The following CPED1 variants were observed in gnomAD, a reference collection of about 807,000 sequenced individuals.
CPED1 encodes cadherin like and PC-esterase domain containing 1, also known as cadherin-like and PC-esterase domain-containing protein 1.
Under a neutral mutation model 128.2 loss-of-function variants are expected in CPED1, and 114 were observed. That is an observed-to-expected ratio of 0.89 (90% CI 0.76 to 1.04). The LOEUF is 1.04. Among genes scored for constraint, CPED1 ranks in the 50% least tolerant of loss-of-function variants. The pLI, the probability that CPED1 is intolerant of heterozygous loss-of-function variation, is 0.00. For synonymous variants in CPED1, 462 were observed against 426.7 expected (o/e 1.08, Z -1.02); for missense variants, 1,211 against 1,207.1 (o/e 1.00, Z -0.05).
At chr7:121,172,832 A>T (rs1270813501) in intron 16 of CPED1, among the ~76,000 whole-genome samples, 2 of 152,216 alleles carry the variant, frequency 1.3e-5, no homozygotes, top group Non-Finnish European at 2.9e-5. Context: ...CGATTGCTCA[A>T]TGTAAGGACA....
chr7:121,109,108 T>C (rs760294393), intron 7 of CPED1, among the ~76,000 whole-genome samples: 1 of 152,152 alleles, frequency 6.6e-6, no homozygotes, highest in Non-Finnish European at 1.5e-5. Context: ...CTTTAAATTA[T>C]CTAAATGACC....
rs878964818 is a variant in CPED1, at chr7:121,296,598, A to T, written c.*946A>T. On this transcript the variant is annotated 3_prime_UTR_variant, in exon 23 of 23. Transcript: ENST00000310396. ...CAAGCATTTGCATATGTCCACAAAT[A>T]GTATTATGTTACTAGTATCTATATT... The T allele has an allele frequency of 6.6e-6, 1 of 152,182 alleles. No homozygotes were observed. The highest frequency in any genetic ancestry group is 1.5e-5 in the Non-Finnish European group (1 of 67,984). The allele number at this position is 152,182 out of a possible 1,614,324, so 9.4% of individuals were successfully genotyped here.
intron 18 of CPED1, among the ~76,000 whole-genome samples, chr7:121,252,117 T>C (rs1798686391): frequency 6.6e-6 from 1 of 151,078 alleles, no homozygotes; most frequent in Non-Finnish European, 1.5e-5. Context: ...AAAACAGAGA[T>C]ATAGACCAAT....
intron 5 of CPED1, among the ~76,000 whole-genome samples, chr7:121,077,424 A>G (rs1035098195): frequency 6.6e-6 from 1 of 152,256 alleles, no homozygotes; most frequent in South Asian, 2.1e-4. Flanking sequence ...AATACAGATA[A>G]GCAAAAAGAA....
At chr7:121,149,955 C>T (rs1796116112) in intron 16 of CPED1, among the ~76,000 whole-genome samples, 1 of 152,152 alleles carries the variant, frequency 6.6e-6, no homozygotes, top group South Asian at 2.1e-4. Flanking sequence ...CTTCCTTCCC[C>T]ATTTCTCAAG....
chr7:121,163,330 A>G (rs950516406), intron 16 of CPED1, among the ~76,000 whole-genome samples: 2 of 152,248 alleles, frequency 1.3e-5, no homozygotes, highest in Non-Finnish European at 2.9e-5. Flanking sequence ...TAACCTAAGC[A>G]GAAAAGGAAC....
intron 16 of CPED1, among the ~76,000 whole-genome samples, chr7:121,210,968 AAAATT>A (rs1797627717): frequency 6.6e-6 from 1 of 152,046 alleles, no homozygotes; most frequent in South Asian, 2.1e-4. Flanking sequence ...AAAAATAAAA[AAAATT>A]AAAACACATA....
At chr7:121,201,195 C>T (rs1797388602) in intron 16 of CPED1, among the ~76,000 whole-genome samples, 1 of 151,942 alleles carries the variant, frequency 6.6e-6, no homozygotes, top group Non-Finnish European at 1.5e-5. Context: ...TCGAGACACC[C>T]CAAGAAAGAC....
At chr7:121,168,602 G>T (rs1011355611) in intron 16 of CPED1, among the ~76,000 whole-genome samples, 2 of 152,058 alleles carry the variant, frequency 1.3e-5, no homozygotes, top group African/African-American at 2.4e-5. Context: ...ATCCAATTAC[G>T]CTCTTTAAGT....
chr7:121,266,506 A>G lies in CPED1; in HGVS notation c.2531+59A>G, dbSNP rs1175626877. 6.5e-5 allele frequency: 91 copies of G among 1,398,886 alleles called. 4 individuals carry two copies. The South Asian group carries it at 1.1e-3, about 16-fold the overall frequency. 86.7% of individuals were successfully genotyped at this position (1,398,886 alleles called of 1,614,324 possible). ...CACAAAGTACTGATGTTCTGCTAGCAGTCGTCACTGCTCAACTACTCACTG... is the reference window on the plus strand; with the variant it reads ...CACAAAGTACTGATGTTCTGCTAGCGGTCGTCACTGCTCAACTACTCACTG... On this transcript the variant is annotated intron_variant, in intron 19 of 22. Transcript: ENST00000310396.
chr7:121,021,200 A>G (rs1316432479), intron 3 of CPED1, among the ~76,000 whole-genome samples: 1 of 151,958 alleles, frequency 6.6e-6, no homozygotes, highest in Non-Finnish European at 1.5e-5. Context: ...CTATTAAAAG[A>G]TATAGTTAAT....
At chr7:121,202,618 C>A (rs964551238) in intron 16 of CPED1, among the ~76,000 whole-genome samples, 1 of 152,092 alleles carries the variant, frequency 6.6e-6, no homozygotes, top group African/African-American at 2.4e-5. Context: ...TCTCAGTTGA[C>A]CCTCCCAGTA....
chr7:120,989,969 G>C, intron 2 of CPED1, 99 bp downstream of exon 2: 1 of 1,428,760 alleles, frequency 7.0e-7, no homozygotes, highest in Non-Finnish European at 9.6e-7. Context: ...CATGAGGTCT[G>C]AAAGGGATCC....
chr7:121,269,486 A>T (rs61266507), intron 21 of CPED1, among the ~76,000 whole-genome samples: 6,345 of 151,974 alleles, frequency 0.042, 423 homozygotes, highest in African/African-American at 0.14. Flanking sequence ...TGGTAGGATG[A>T]TTTATTTTCT....
chr7:121,260,222 C>CG (rs1284980327), intron 18 of CPED1, among the ~76,000 whole-genome samples: 2 of 76,388 alleles, frequency 2.6e-5, no homozygotes, highest in African/African-American at 9.8e-5. Context: ...GCTTGCTTCG[C>CG]GTTTTTTTTT....
intron 16 of CPED1, among the ~76,000 whole-genome samples, chr7:121,199,009 C>G (rs1428176508): frequency 6.6e-6 from 1 of 152,100 alleles, no homozygotes; most frequent in Non-Finnish European, 1.5e-5. Flanking sequence ...AGATTCAATG[C>G]CAGGGAATAA....
At chr7:120,993,940 C>A (rs1186572265) in intron 2 of CPED1, 2 of 328,020 alleles carry the variant, frequency 6.1e-6, no homozygotes, top group South Asian at 2.2e-5. Flanking sequence ...ACTAGAGAAG[C>A]TCGCCCCTGG....
chr7:121,069,501 G>T (rs1343237289), intron 5 of CPED1, among the ~76,000 whole-genome samples: 24 of 152,028 alleles, frequency 1.6e-4, no homozygotes, highest in African/African-American at 2.4e-5. Context: ...ACAGAGTGTT[G>T]GCTAGATGCA....
At position 121,192,476 on chromosome 7, in the gene CPED1, T is replaced by C. The variant is rs1235147788; in HGVS notation, c.2056-44238T>C. 2.6e-5 allele frequency among the ~76,000 whole-genome samples: 4 copies of C among 152,142 alleles called. 1 individual carries two copies. Among genetic ancestry groups the C allele is most frequent in the Non-Finnish European group, 5.9e-5 (4 of 68,000 alleles). ...TATACAACCTATAGGATGGATGATA[T>C]GCATGAGTGTACATGCTGCTTTGGG... On this transcript the variant is annotated intron_variant, in intron 16 of 22. Transcript: ENST00000310396.
Sources: allele counts gnomAD v4.1 joint callset (sites outside exome capture counted in the v4.1 genomes callset), GRCh38; gene constraint gnomAD v4.1.1; transcripts MANE v1.5; gene names NCBI Gene and HGNC (gene_info 2026-07-23, HGNC 2026-07-21).